The following XKR4 variants were observed in gnomAD, a reference collection of about 807,000 sequenced individuals.
The protein encoded by XKR4 is XK related 4, also known as XK-related protein 4.
XKR4 carries 12 observed loss-of-function variants against 53.9 expected under a neutral mutation model. The ratio of observed to expected loss-of-function variants is 0.22; its 90% CI spans 0.14 to 0.36. The LOEUF (loss-of-function observed/expected upper bound fraction) is 0.36, where lower values mean the gene tolerates loss of function less well. Ranked by LOEUF, XKR4 falls within the 10% of genes least tolerant of loss-of-function variation. XKR4 has a pLI of 1.00. For missense variants in XKR4, 799 were observed against 859.5 expected, an observed-to-expected ratio of 0.93 and a Z score of 0.88; for synonymous variants, 354 against 362.4, an observed-to-expected ratio of 0.98 and a Z score of 0.26.
At chr8:55,409,231 A>G (rs1226262756) in intron 2 of XKR4, among the ~76,000 whole-genome samples, 1 of 149,866 alleles carries the variant, frequency 6.7e-6, no homozygotes, top group East Asian at 2.0e-4. Context: ...GCAGGCAGCA[A>G]GCAGGCACCT....
chr8:55,172,325 T>G (rs924762006), intron 1 of XKR4, among the ~76,000 whole-genome samples: 1 of 152,192 alleles, frequency 6.6e-6, no homozygotes, highest in African/African-American at 2.4e-5. Context: ...CATCATGCTT[T>G]ATTTTTAAGT....
intron 2 of XKR4, among the ~76,000 whole-genome samples, chr8:55,515,591 A>G (rs1160268033): frequency 2.6e-5 from 4 of 152,216 alleles, no homozygotes; most frequent in Non-Finnish European, 5.9e-5. Flanking sequence ...CAACTCAAGT[A>G]TGGAACTGTC....
chr8:55,374,067 T>A (rs571679767), intron 2 of XKR4, among the ~76,000 whole-genome samples: 47 of 152,340 alleles, frequency 3.1e-4, no homozygotes, highest in South Asian at 2.1e-3. Flanking sequence ...AACTTGATCC[T>A]GAAACCCAAG....
chr8:55,167,087 G>T (rs977158501), intron 1 of XKR4, among the ~76,000 whole-genome samples: 1 of 152,206 alleles, frequency 6.6e-6, no homozygotes, highest in African/African-American at 2.4e-5. Context: ...AGTAGCATCA[G>T]CAGATTTCTT....
intron 1 of XKR4, chr8:55,164,361 T>A: frequency 2.2e-6 from 1 of 456,186 alleles, no homozygotes; most frequent in Non-Finnish European, 4.4e-6. Flanking sequence ...ATAACTCCTA[T>A]AAGTTCAGAG....
chr8:55,470,680 G>A (rs1805866497), intron 2 of XKR4, among the ~76,000 whole-genome samples: 1 of 152,128 alleles, frequency 6.6e-6, no homozygotes, highest in Non-Finnish European at 1.5e-5. Flanking sequence ...GGACTTACAT[G>A]TCTTACAAAG....
At chr8:55,196,131 T>TA (rs1242729500) in intron 1 of XKR4, among the ~76,000 whole-genome samples, 3 of 151,220 alleles carry the variant, frequency 2.0e-5, no homozygotes, top group African/African-American at 7.3e-5. Context: ...TTCTTTATAG[T>TA]AAATATAGCA....
At chr8:55,163,682 C>A (rs1817018351) in intron 1 of XKR4, among the ~76,000 whole-genome samples, 1 of 151,880 alleles carries the variant, frequency 6.6e-6, no homozygotes, top group African/African-American at 2.4e-5. Context: ...CCTGTCTCTA[C>A]AAAAATACAA....
At chr8:55,306,963 T>G (rs1819309859) in intron 1 of XKR4, among the ~76,000 whole-genome samples, 1 of 150,380 alleles carries the variant, frequency 6.6e-6, no homozygotes, top group Admixed American at 6.6e-5. Flanking sequence ...AGCCTCAACC[T>G]AAGCCTCACA....
rs372452142 is a variant in XKR4, at chr8:55,188,878, C to T, written c.806+85584C>T. Among the ~76,000 whole-genome samples, 24 of 152,250 alleles carry T rather than the reference C, an allele frequency of 1.6e-4. No individual in the cohort carries two copies. In the South Asian group the frequency reaches 4.8e-3, roughly 30 times the overall value. On this transcript the variant is annotated intron_variant, in intron 1 of 2. Transcript: ENST00000327381. The stretch of plus-strand genomic sequence containing the variant: ...TAAGCAAGATAATGCAAGTTAAAGT[C>T]CTTAATACAGAATCTATCCATAACA...
At position 55,527,651 on chromosome 8, in the gene XKR4, T is replaced by A. The variant is rs1215383235; in HGVS notation, c.*3424T>A. 1 of 152,238 alleles carries A rather than the reference T, an allele frequency of 6.6e-6. No homozygotes were observed. Among genetic ancestry groups the A allele is most frequent in the African/African-American group, 2.4e-5 (1 of 41,464 alleles). The allele number at this position is 152,238 out of a possible 1,614,324, so 9.4% of individuals were successfully genotyped here. On this transcript the variant is annotated 3_prime_UTR_variant, in exon 3 of 3. Coordinates refer to ENST00000327381, the MANE Select transcript of XKR4 (RefSeq NM_052898.2). ...TTTGCTTATTTACTTAACTACATAC[T>A]GTCTAGTTCAATAGCACTGACTTTG... is the stretch of plus-strand genomic sequence containing the variant.
chr8:55,348,654 T>C (rs1803684286), intron 1 of XKR4, among the ~76,000 whole-genome samples: 2 of 149,484 alleles, frequency 1.3e-5, no homozygotes, highest in Admixed American at 1.3e-4. Flanking sequence ...AGATAATGGA[T>C]AGGTAGATGA....
At chr8:55,221,831 A>G (rs910144869) in intron 1 of XKR4, among the ~76,000 whole-genome samples, 1 of 152,130 alleles carries the variant, frequency 6.6e-6, no homozygotes, top group Admixed American at 6.5e-5. Flanking sequence ...GGTGACACCA[A>G]TGGTTGGACA....
At chr8:55,501,470 T>A (rs953545821) in intron 2 of XKR4, among the ~76,000 whole-genome samples, 4 of 127,974 alleles carry the variant, frequency 3.1e-5, no homozygotes, top group African/African-American at 7.5e-5. Flanking sequence ...TCCCCTCACC[T>A]CCAGCCCCTG....
intron 1 of XKR4, among the ~76,000 whole-genome samples, chr8:55,134,517 C>G (rs1399188302): frequency 6.6e-6 from 1 of 152,192 alleles, no homozygotes; most frequent in African/African-American, 2.4e-5. Context: ...CATGCATTCA[C>G]TCTCTCTCTG....
intron 2 of XKR4, among the ~76,000 whole-genome samples, chr8:55,513,452 C>T (rs1806660200): frequency 6.6e-6 from 1 of 152,148 alleles, no homozygotes; most frequent in African/African-American, 2.4e-5. Flanking sequence ...GCTGCCCTTC[C>T]CACAAATAGG....
intron 2 of XKR4, among the ~76,000 whole-genome samples, chr8:55,505,361 G>A (rs1806511907): frequency 6.6e-6 from 1 of 151,964 alleles, no homozygotes; most frequent in African/African-American, 2.4e-5. Context: ...GGGCAACATA[G>A]CAAGACTTCA....
chr8:55,282,528 A>G (rs1450466793), intron 1 of XKR4, among the ~76,000 whole-genome samples: 1 of 152,170 alleles, frequency 6.6e-6, no homozygotes, highest in Non-Finnish European at 1.5e-5. Flanking sequence ...AGCAATAGAT[A>G]GAGAGGAGAG....
intron 2 of XKR4, among the ~76,000 whole-genome samples, chr8:55,491,573 G>A (rs1052172582): frequency 5.3e-5 from 8 of 152,208 alleles, no homozygotes; most frequent in African/African-American, 1.9e-4. Context: ...TAGCCTTCTG[G>A]GGTCTTTTCT....
Sources: gnomAD v4.1 joint callset for allele counts (sites outside exome capture counted in the v4.1 genomes callset) on GRCh38, gnomAD v4.1.1 for gene constraint, MANE v1.5 for transcripts, NCBI Gene and HGNC (gene_info 2026-07-23, HGNC 2026-07-21) for gene names.